Variants in LAYN observed in about 807,000 individuals in gnomAD.
The protein encoded by LAYN is layilin.
LAYN carries 38 observed loss-of-function variants against 43.6 expected under a neutral mutation model. The ratio of observed to expected loss-of-function variants is 0.87; its 90% confidence interval spans 0.67 to 1.14. The LOEUF (loss-of-function observed/expected upper bound fraction) is 1.14, where lower values mean the gene tolerates loss of function less well. Among genes scored for constraint, LAYN ranks in the 50% most tolerant of loss-of-function variants. The probability of loss-of-function intolerance (pLI) is 0.00; values close to 1 mark genes in which losing one functional copy is unlikely to be tolerated. For synonymous variants in LAYN, 168 were observed against 172.9 expected (o/e 0.97, Z 0.22); for missense variants, 479 against 463.8 (o/e 1.03, Z -0.30).
Position 111,543,892 on chromosome 11 carries a change from A to G in LAYN, c.86-31A>G, listed in dbSNP as rs750693804. On this transcript the variant is annotated intron_variant, in intron 1 of 6. Coordinates refer to ENST00000375614, the MANE Select transcript of LAYN (RefSeq NM_178834.5). ...CCTGCCCCGGTATACTTTTTGAGACACTGAAATAGATTGGCTTCTTTTTTC... is the reference window on the plus strand; with the variant it reads ...CCTGCCCCGGTATACTTTTTGAGACGCTGAAATAGATTGGCTTCTTTTTTC... 6.3e-6 allele frequency: 10 copies of G among 1,577,900 alleles called. No homozygotes were observed. In the East Asian group the frequency reaches 1.1e-4, roughly 18 times the overall value.
intron 6 of LAYN, among the ~76,000 whole-genome samples, chr11:111,559,839 G>A (rs2135806863): frequency 6.6e-6 from 1 of 152,014 alleles, no homozygotes; most frequent in South Asian, 2.1e-4. Context: ...GACACTCCAG[G>A]GACTCTAGGG....
In LAYN at chr11:111,560,675, C is replaced by CT. The variant is rs1376168326; in HGVS notation, c.*219dup. On this transcript the variant is annotated 3_prime_UTR_variant, in exon 7 of 7. Transcript: ENST00000375614. ...CCAGCTCGACCTTATGAGAAGGTAC[C>CT]TTGCCCAGGTCTGGCACATAGTAGA... 1.8e-6 allele frequency: 1 copy of CT among 552,352 alleles called. No homozygotes were observed. Among genetic ancestry groups the CT allele is most frequent in the Non-Finnish European group, 3.2e-6 (1 of 312,712 alleles). 34.2% of individuals were successfully genotyped at this position (552,352 alleles called of 1,614,324 possible).
rs1216089790 is a variant in LAYN, at chr11:111,560,500, G to T, written c.*42G>T. 5 of 1,563,882 alleles carry T rather than the reference G, an allele frequency of 3.2e-6. No homozygotes were observed. Among genetic ancestry groups the T allele is most frequent in the Admixed American group, 1.9e-5 (1 of 53,414 alleles). ...AAACTGACAACAATGGAAAAGAAAT[G>T]ATAAGCAAAATCCTCTTATTTTCTA... On this transcript the variant is annotated 3_prime_UTR_variant, in exon 7 of 7. Transcript: ENST00000375614.
At position 111,555,291 on chromosome 11, in the gene LAYN, G is replaced by A; in HGVS notation, c.658+1G>A. 6.2e-7 allele frequency: 1 copy of A among 1,603,794 alleles called. No individual in the cohort carries two copies. Among genetic ancestry groups the A allele is most frequent in the South Asian group, 1.1e-5 (1 of 90,778 alleles). The stretch of plus-strand genomic sequence containing the variant: ...AAAAAAACATTTAAAGAAAGTAGAG[G>A]TATCTACAAAACTCTCCTGGGAAAG... On this transcript the variant is annotated splice_donor_variant, in intron 5 of 6. Coordinates refer to ENST00000375614, the MANE Select transcript of LAYN (RefSeq NM_178834.5). LOFTEE classifies it high-confidence loss of function.
At chr11:111,546,685 T>C (rs1400272587) in intron 2 of LAYN, among the ~76,000 whole-genome samples, 1 of 152,218 alleles carries the variant, frequency 6.6e-6, no homozygotes, top group Non-Finnish European at 1.5e-5. Flanking sequence ...ATGTACCTCT[T>C]CCATCTTACA....
In LAYN at chr11:111,555,218, G is replaced by A. The variant is rs756983645; in HGVS notation, c.586G>A (p.Glu196Lys). The change falls in exon 5 of 7, where the codon GAG becomes AAG. Residue 196 changes from glutamate to lysine, a missense_variant. By Grantham distance (56) the Glu-to-Lys change is moderately conservative (BLOSUM62 1). Coordinates refer to ENST00000375614, the MANE Select transcript of LAYN (RefSeq NM_178834.5). ...GTGTCTCTCTCCAGGTGAGGAAACA[G>A]AGCTGACAACACCTGTACTTCCAGA... is the stretch of plus-strand genomic sequence containing the variant. ...PSREAEGEET[E>K]LTTPVLPEET... 2 of 1,613,428 alleles carry A rather than the reference G, an allele frequency of 1.2e-6. No individual in the cohort carries two copies. The highest frequency in any genetic ancestry group is 1.7e-6 in the Non-Finnish European group (2 of 1,179,528).
At position 111,540,909 on chromosome 11, in the gene LAYN, G is replaced by C; in HGVS notation, c.66G>C (p.Ala22=). ...LAVLLVGLRA[A]TGRLLSGQPV... is the part of the protein sequence containing the mutation. ...TGCTGCTGGTGGGGCTGCGGGCCGC[G>C]ACGGGTCGCCTGCTGAGTGGTGAGT... is the stretch of plus-strand genomic sequence containing the variant. The change falls in exon 1 of 7, where the codon GCG becomes GCC. Residue 22 remains alanine, a synonymous_variant. Coordinates refer to ENST00000375614, the MANE Select transcript of LAYN (RefSeq NM_178834.5). 1 of 1,532,162 alleles carries C rather than the reference G, an allele frequency of 6.5e-7. No individual in the cohort carries two copies. Among genetic ancestry groups the C allele is most frequent in the Non-Finnish European group, 8.7e-7 (1 of 1,145,676 alleles). The allele number at this position is 1,532,162 out of a possible 1,614,324, so 94.9% of individuals were successfully genotyped here.
chr11:111,541,965 TGACG>T (rs1172698656), intron 1 of LAYN, among the ~76,000 whole-genome samples: 3 of 152,288 alleles, frequency 2.0e-5, no homozygotes, highest in Admixed American at 1.3e-4. Context: ...CTTCCAGCTC[TGACG>T]GTCTCTGGCA....
rs182442824 is a variant in LAYN at position 111,557,460 on chromosome 11, C to G, written c.659-81C>G. The G allele has an allele frequency of 8.7e-4, 978 of 1,129,700 alleles. 1 individual carries two copies. Among genetic ancestry groups the G allele is most frequent in the Admixed American group, 1.4e-3 (72 of 51,986 alleles). 70.0% of individuals were successfully genotyped at this position (1,129,700 alleles called of 1,614,324 possible). A position where few individuals can be genotyped will look rare whatever the true frequency, so the allele number is the denominator to read the frequency against. On this transcript the variant is annotated intron_variant, in intron 5 of 6. Transcript: ENST00000375614. ...GTACAAGTGGTTTTTGACGATTATG[C>G]TTTTTTTAAGCCTGGTTTGAAGCAC...
chr11:111,553,849 T>C (rs1251207394), intron 3 of LAYN, among the ~76,000 whole-genome samples: 1 of 152,026 alleles, frequency 6.6e-6, no homozygotes, highest in Non-Finnish European at 1.5e-5. Flanking sequence ...TTAAGGTCTT[T>C]CCCTTAAAGA....
At chr11:111,548,300 T>C (rs1867681831) in intron 2 of LAYN, among the ~76,000 whole-genome samples, 1 of 152,230 alleles carries the variant, frequency 6.6e-6, no homozygotes, top group African/African-American at 2.4e-5. Context: ...TGCCGTGGTG[T>C]TGCAAGGTCC....
At position 111,552,395 on chromosome 11, in the gene LAYN, G is replaced by A. The variant is rs80078948; in HGVS notation, c.542-2166G>A. ...ACTTACCTGTTTAACCACTTGATGGGCTGGGGAAGCTCACTCCTGTGGTTC... is the reference window on the plus strand; with the variant it reads ...ACTTACCTGTTTAACCACTTGATGGACTGGGGAAGCTCACTCCTGTGGTTC... On this transcript the variant is annotated intron_variant, in intron 3 of 6. Coordinates refer to ENST00000375614, the MANE Select transcript of LAYN (RefSeq NM_178834.5). Among the ~76,000 whole-genome samples the A allele has an allele frequency of 6.4e-3, 982 of 152,268 alleles. 9 individuals carry two copies. The highest frequency in any genetic ancestry group is 0.022 in the African/African-American group (914 of 41,552).
intron 3 of LAYN, 39 bp downstream of exon 3, chr11:111,549,814 A>G (rs751764232): frequency 6.4e-7 from 1 of 1,566,466 alleles, no homozygotes; most frequent in East Asian, 2.4e-5. Context: ...CTGAATTCTC[A>G]ACTTCTCTCA....
chr11:111,558,698 T>G (rs1253745758), intron 6 of LAYN, among the ~76,000 whole-genome samples: 1 of 151,616 alleles, frequency 6.6e-6, no homozygotes, highest in Non-Finnish European at 1.5e-5. Flanking sequence ...GTTTTTAATC[T>G]TTTTTGTGCC....
Position 111,560,375 on chromosome 11 carries a change from A to G in LAYN, c.1042A>G (p.Asn348Asp). ...LVSVESGFVT[N>D]DIYEFSPDQM... ...GAGCGTGGAGAGTGGATTTGTGACC[A>G]ATGACATTTATGAGTTCTCCCCAGA... Residue 348 changes from asparagine (N) to aspartate (D), a missense_variant, in exon 7 of 7, where the codon AAT (asparagine) becomes GAT (aspartate). Physicochemically the swap from Asn to Asp is conservative, Grantham distance 23. Transcript: ENST00000375614. The G allele has an allele frequency of 6.2e-7, 1 of 1,614,100 alleles. No individual in the cohort carries two copies. The highest frequency in any genetic ancestry group is 8.5e-7 in the Non-Finnish European group (1 of 1,179,986).
At position 111,544,026 on chromosome 11, in the gene LAYN, C is replaced by G. The variant is rs1202788652; in HGVS notation, c.189C>G (p.Cys63Trp). ...RLNFEEAKEA[C>W]RRDGGQLVSI... is the part of the protein sequence containing the mutation. ...ACTTTGAGGAAGCCAAAGAAGCCTGCAGGAGGGATGGAGGCCAGCTAGTCA... is the reference window on the plus strand; with the variant it reads ...ACTTTGAGGAAGCCAAAGAAGCCTGGAGGAGGGATGGAGGCCAGCTAGTCA... The change falls in exon 2 of 7, where the codon TGC becomes TGG. Residue 63 changes from cysteine (C) to tryptophan (W), a missense_variant. Cys to Trp is a radical substitution (Grantham distance 215). Coordinates refer to ENST00000375614, the MANE Select transcript of LAYN (RefSeq NM_178834.5). The G allele has an allele frequency of 6.2e-7, 1 of 1,614,174 alleles. No individual in the cohort carries two copies. Among genetic ancestry groups the G allele is most frequent in the Admixed American group, 1.7e-5 (1 of 60,022 alleles).
rs752599333 is a variant in LAYN at position 111,561,380 on chromosome 11, A to G, written c.*922A>G. 1.3e-5 allele frequency: 2 copies of G among 152,242 alleles called. No homozygotes were observed. Among genetic ancestry groups the G allele is most frequent in the Non-Finnish European group, 2.9e-5 (2 of 68,048 alleles). The allele number at this position is 152,242 out of a possible 1,614,324, so 9.4% of individuals were successfully genotyped here. A position where few individuals can be genotyped will look rare whatever the true frequency, so the allele number is the denominator to read the frequency against. ...GTCTCTAAACAAAAATATTTTTTAA[A>G]GAAACTAAAAATGAAATTTGAGTCT... On this transcript the variant is annotated 3_prime_UTR_variant, in exon 7 of 7. Coordinates refer to ENST00000375614, the MANE Select transcript of LAYN (RefSeq NM_178834.5).
intron 1 of LAYN, chr11:111,541,660 G>A: frequency 3.6e-6 from 5 of 1,399,214 alleles, no homozygotes; most frequent in South Asian, 1.2e-5. Context: ...CCTTTTCTCA[G>A]ATCCTTTTTG....
At position 111,541,014 on chromosome 11, in the gene LAYN, G is replaced by T; in HGVS notation, c.85+86G>T. On this transcript the variant is annotated intron_variant, in intron 1 of 6. Coordinates refer to ENST00000375614, the MANE Select transcript of LAYN (RefSeq NM_178834.5). ...TGCTGACCCTCTTCTGGGTCGCCAC[G>T]TATGGGACTAGAAGGCCGTCCCATG... is the stretch of plus-strand genomic sequence containing the variant. 41 of 1,288,550 alleles carry T rather than the reference G, an allele frequency of 3.2e-5. 1 individual carries two copies. In the South Asian group the frequency reaches 4.5e-4, roughly 14 times the overall value. 79.8% of individuals were successfully genotyped at this position (1,288,550 alleles called of 1,614,324 possible).
Sources: allele counts gnomAD v4.1 joint callset (sites outside exome capture counted in the v4.1 genomes callset), GRCh38; gene constraint gnomAD v4.1.1; transcripts MANE v1.5; gene names NCBI Gene and HGNC (gene_info 2026-07-23, HGNC 2026-07-21).